SIGMAR1: variants seen among roughly 807,000 people sequenced by gnomAD.
The protein encoded by SIGMAR1 is sigma non-opioid intracellular receptor 1.
A neutral mutation model predicts 25.4 loss-of-function variants in SIGMAR1; 18 were observed. The ratio of observed to expected loss-of-function variants is 0.71; its 90% confidence interval spans 0.49 to 1.05. The LOEUF is 1.05. Ranked by LOEUF, SIGMAR1 falls within the 50% of genes least tolerant of loss-of-function variation. The probability of loss-of-function intolerance (pLI) is 0.00; values close to 1 mark genes in which losing one functional copy is unlikely to be tolerated. For synonymous variants in SIGMAR1, 125 were observed against 131.6 expected (o/e 0.95, Z 0.34); for missense variants, 249 against 301.6 (o/e 0.83, Z 1.29).
At position 34,636,895 on chromosome 9, in the gene SIGMAR1, AG is replaced by A. The variant is rs978032811; in HGVS notation, c.445+101del. The A allele has an allele frequency of 3.2e-6, 3 of 937,082 alleles. No homozygotes were observed. In the African/African-American group the frequency reaches 4.9e-5, roughly 15 times the overall value. The allele number at this position is 937,082 out of a possible 1,614,324, so 58.0% of individuals were successfully genotyped here. On this transcript the variant is annotated intron_variant, in intron 3 of 3. Transcript: ENST00000277010. ...AGGGTGGAGGAAGGGAACCATGAGG[AG>A]GGCCCCCCCAACACACTCCTTTTCC...
chr9:34,635,107 A>C lies in SIGMAR1; in HGVS notation c.*525T>G, dbSNP rs1820793068. ...CAGGGGAGTAGAATGGGGATAAGGC[A>C]TATGGTGAGGACAGGGGAGAAGGGG... On this transcript the variant is annotated 3_prime_UTR_variant, in exon 4 of 4. Coordinates refer to ENST00000277010, the MANE Select transcript of SIGMAR1 (RefSeq NM_005866.4). This position sits in a 1 kb window ranked among gnomAD's most constrained non-coding sequence, Gnocchi z 4.5. 2 of 202,738 alleles carry C rather than the reference A, an allele frequency of 9.9e-6. No homozygotes were observed. Among genetic ancestry groups the C allele is most frequent in the South Asian group, 1.7e-4 (2 of 12,002 alleles). 12.6% of individuals were successfully genotyped at this position (202,738 alleles called of 1,614,324 possible).
rs146118253 is a variant in SIGMAR1, at chr9:34,635,709, G to A, written c.595C>T (p.Leu199Phe). 65 of 1,614,160 alleles carry A rather than the reference G, an allele frequency of 4.0e-5. No individual in the cohort carries two copies. The highest frequency in any genetic ancestry group is 4.9e-5 in the Non-Finnish European group (58 of 1,180,066). ...GCATAGGAGCGAAGAGTATAGAAGA[G>A]GGTGAGGAAGTCCTGGGTGCTGAAG... ...TVFSTQDFLT[L>F]FYTLRSYARG... Residue 199 changes from leucine (L) to phenylalanine (F), a missense_variant, in exon 4 of 4, where the codon CTC becomes TTC. By Grantham distance (22) the Leu-to-Phe change is conservative (BLOSUM62 0). Transcript: ENST00000277010. The surrounding 1 kb of genome is among the most constrained non-coding windows in gnomAD (Gnocchi z 4.5).
intron 3 of SIGMAR1, chr9:34,636,655 G>C: frequency 2.6e-6 from 1 of 391,750 alleles, no homozygotes. Flanking sequence ...CAAATAAAAA[G>C]ATAACTGTCT....
rs748114512 is a variant in SIGMAR1 at position 34,635,584 on chromosome 9, G to A, written c.*48C>T. Reference sequence around the variant, plus strand: ...GGCTCCAGCAAGTGGATATGTGCGGGCCTGCCCGCTCCTGTCTATCCGCAG... The same window carrying A: ...GGCTCCAGCAAGTGGATATGTGCGGACCTGCCCGCTCCTGTCTATCCGCAG... On this transcript the variant is annotated 3_prime_UTR_variant, in exon 4 of 4. Transcript: ENST00000277010. This position sits in a 1 kb window ranked among gnomAD's most constrained non-coding sequence, Gnocchi z 4.5. The A allele has an allele frequency of 2.5e-6, 4 of 1,611,486 alleles. No individual in the cohort carries two copies. Among genetic ancestry groups the A allele is most frequent in the Non-Finnish European group, 3.4e-6 (4 of 1,179,046 alleles).
chr9:34,637,472 C>G, intron 1 of SIGMAR1, 52 bp from the exon 2 acceptor site: 1 of 1,583,844 alleles, frequency 6.3e-7, no homozygotes, highest in Non-Finnish European at 8.5e-7. Context: ...GTCCTAGGTC[C>G]GGGGATGGCG....
rs769504480 is a variant in SIGMAR1, at chr9:34,635,770, G to A, written c.534C>T (p.Ile178=). ...CCAGCGCGAAGGCCAGGGTGGATGG[G>A]ATGACGCCCCGGCCGTACTCCACCA... ...TWMVEYGRGV[I]PSTLAFALAD... The change falls in exon 4 of 4, where the codon ATC becomes ATT. Residue 178 remains isoleucine, a synonymous_variant. Transcript: ENST00000277010. The surrounding 1 kb of genome is among the most constrained non-coding windows in gnomAD (Gnocchi z 4.5). 1 of 1,614,234 alleles carries A rather than the reference G, an allele frequency of 6.2e-7. No homozygotes were observed. The highest frequency in any genetic ancestry group is 2.2e-5 in the East Asian group (1 of 44,880).
rs1032702708 is a variant in SIGMAR1, at chr9:34,635,473, G to A, written c.*159C>T. ...GTCTCATTTGTTCCCATGGGTCTCT[G>A]TGTTTGGATACATAAGCATGGATAT... On this transcript the variant is annotated 3_prime_UTR_variant, in exon 4 of 4. Transcript: ENST00000277010. This position sits in a 1 kb window ranked among gnomAD's most constrained non-coding sequence, Gnocchi z 4.5. 3.1e-5 allele frequency: 34 copies of A among 1,101,096 alleles called. No homozygotes were observed. The Admixed American group carries it at 6.6e-4, about 22-fold the overall frequency. The allele number at this position is 1,101,096 out of a possible 1,614,324, so 68.2% of individuals were successfully genotyped here. A position where few individuals can be genotyped will look rare whatever the true frequency, so the allele number is the denominator to read the frequency against.
At chr9:34,637,446 G>T in intron 1 of SIGMAR1, 26 bp from the exon 2 acceptor site, 1 of 1,595,232 alleles carries the variant, frequency 6.3e-7, no homozygotes, top group Non-Finnish European at 8.5e-7. Context: ...GGGCGGCGGA[G>T]TCAGGGCTGG....
At position 34,637,781 on chromosome 9, in the gene SIGMAR1, T is replaced by G. The variant is rs952503399; in HGVS notation, c.-84A>C. ...GCTCACGGCCTCGGAGCCCGCCGGC[T>G]GCCCACGAAGCGCTCCCCCGCCACC... On this transcript the variant is annotated 5_prime_UTR_variant, in exon 1 of 4. Transcript: ENST00000277010. The G allele has an allele frequency of 9.4e-7, 1 of 1,065,798 alleles. No individual in the cohort carries two copies. The highest frequency in any genetic ancestry group is 1.3e-6 in the Non-Finnish European group (1 of 798,230). 66.0% of individuals were successfully genotyped at this position (1,065,798 alleles called of 1,614,324 possible).
chr9:34,636,447 T>C (rs1214100791), intron 3 of SIGMAR1, among the ~76,000 whole-genome samples: 1 of 150,824 alleles, frequency 6.6e-6, no homozygotes, highest in Non-Finnish European at 1.5e-5. Flanking sequence ...TCCTGGCTGG[T>C]ATGGTGAAAC....
chr9:34,637,520 TC>T, intron 1 of SIGMAR1, 26 bp downstream of exon 1: 1 of 1,583,444 alleles, frequency 6.3e-7, no homozygotes, highest in Non-Finnish European at 8.5e-7. Flanking sequence ...GGCCGGCCGC[TC>T]CCCTCCCTGC....
Position 34,635,464 on chromosome 9 carries a change from T to C in SIGMAR1, c.*168A>G. 2.0e-6 allele frequency: 2 copies of C among 1,002,840 alleles called. No homozygotes were observed. The highest frequency in any genetic ancestry group is 3.0e-6 in the Non-Finnish European group (2 of 667,548). The allele number at this position is 1,002,840 out of a possible 1,614,324, so 62.1% of individuals were successfully genotyped here. A position where few individuals can be genotyped will look rare whatever the true frequency, so the allele number is the denominator to read the frequency against. ...TCTATATGTGTCTCATTTGTTCCCATGGGTCTCTGTGTTTGGATACATAAG... is the reference window on the plus strand; with the variant it reads ...TCTATATGTGTCTCATTTGTTCCCACGGGTCTCTGTGTTTGGATACATAAG... On this transcript the variant is annotated 3_prime_UTR_variant, in exon 4 of 4. Coordinates refer to ENST00000277010, the MANE Select transcript of SIGMAR1 (RefSeq NM_005866.4). This position sits in a 1 kb window ranked among gnomAD's most constrained non-coding sequence, Gnocchi z 4.5.
At position 34,637,313 on chromosome 9, in the gene SIGMAR1, C is replaced by G. The variant is rs768933234; in HGVS notation, c.259G>C (p.Gly87Arg). The G allele has an allele frequency of 4.8e-5, 76 of 1,599,754 alleles. No homozygotes were observed. The highest frequency in any genetic ancestry group is 6.3e-5 in the Non-Finnish European group (74 of 1,176,642). Residue 87 changes from glycine to arginine, a missense_variant, in exon 2 of 4, where the codon GGT becomes CGT. Gly to Arg is a moderately radical substitution (Grantham distance 125). Transcript: ENST00000277010. ...AGGCACATGGCGCCCATCCAGCCAC[C>G]CGCATTCACGAACACCCACTGCAGC... ...EELQWVFVNA[G>R]GWMGAMCLLH...
chr9:34,636,773 C>A, intron 3 of SIGMAR1: 1 of 600,814 alleles, frequency 1.7e-6, no homozygotes, highest in South Asian at 1.9e-5. Flanking sequence ...AAAAATCAGA[C>A]ATGTTTAATA....
chr9:34,637,424 G>T lies in SIGMAR1; in HGVS notation c.152-4C>A, dbSNP rs1678098962. Reference sequence around the variant, plus strand: ...AAGGCCAGCTCGTGGTCCAGCCCTGGCGGAGGCAGAGGGGCGGCGGAGTCA... The same window carrying T: ...AAGGCCAGCTCGTGGTCCAGCCCTGTCGGAGGCAGAGGGGCGGCGGAGTCA... On this transcript the variant is annotated splice_region_variant and splice_polypyrimidine_tract_variant and intron_variant, in intron 1 of 3. Coordinates refer to ENST00000277010, the MANE Select transcript of SIGMAR1 (RefSeq NM_005866.4). 1 of 1,601,796 alleles carries T rather than the reference G, an allele frequency of 6.2e-7. No homozygotes were observed.
At chr9:34,636,769 C>T in intron 3 of SIGMAR1, 1 of 598,394 alleles carries the variant, frequency 1.7e-6, no homozygotes, top group South Asian at 2.0e-5. Flanking sequence ...AGATAAAAAT[C>T]AGACATGTTT....
At position 34,635,449 on chromosome 9, in the gene SIGMAR1, T is replaced by C; in HGVS notation, c.*183A>G. On this transcript the variant is annotated 3_prime_UTR_variant, in exon 4 of 4. Transcript: ENST00000277010. The surrounding 1 kb of genome is among the most constrained non-coding windows in gnomAD (Gnocchi z 4.5). The stretch of plus-strand genomic sequence containing the variant: ...ACACAGGTCTCAGTATCTATATGTG[T>C]CTCATTTGTTCCCATGGGTCTCTGT... 1 of 873,340 alleles carries C rather than the reference T, an allele frequency of 1.1e-6. No individual in the cohort carries two copies. Among genetic ancestry groups the C allele is most frequent in the Non-Finnish European group, 1.8e-6 (1 of 557,152 alleles). 54.1% of individuals were successfully genotyped at this position (873,340 alleles called of 1,614,324 possible).
chr9:34,636,774 A>G, intron 3 of SIGMAR1: 1 of 601,070 alleles, frequency 1.7e-6, no homozygotes, highest in East Asian at 2.8e-5. Flanking sequence ...AAAATCAGAC[A>G]TGTTTAATAG....
chr9:34,636,265 C>G (rs1008182430), intron 3 of SIGMAR1, among the ~76,000 whole-genome samples: 3 of 148,572 alleles, frequency 2.0e-5, no homozygotes, highest in African/African-American at 7.4e-5. Context: ...CACCCAACCT[C>G]AAATATACTG....
Sources: allele counts gnomAD v4.1 joint callset (sites outside exome capture counted in the v4.1 genomes callset), GRCh38; gene constraint gnomAD v4.1.1; non-coding constraint Gnocchi (gnomAD v3.1); transcripts MANE v1.5; gene names NCBI Gene and HGNC (gene_info 2026-07-23, HGNC 2026-07-21).